Variants in N4BP2 observed in about 807,000 individuals in gnomAD.
N4BP2 encodes NEDD4-binding protein 2.
N4BP2 carries 91 observed loss-of-function variants against 152.8 expected under a neutral mutation model. That is an observed-to-expected ratio of 0.60 (90% CI 0.50 to 0.71). The LOEUF is 0.71. Ranked by LOEUF, N4BP2 falls within the 30% of genes least tolerant of loss-of-function variation. N4BP2 has a pLI of 0.00. For missense variants in N4BP2, 1,923 were observed against 2,059.1 expected (o/e 0.93, Z 1.28); for synonymous variants, 646 against 705.3 (o/e 0.92, Z 1.33).
downstream of N4BP2, among the ~76,000 whole-genome samples, chr4:40,162,420 C>T (rs1030162105): frequency 6.6e-6 from 1 of 152,052 alleles, no homozygotes; most frequent in Non-Finnish European, 1.5e-5. Flanking sequence ...GATAGTGCCA[C>T]TGCACTCCAG....
chr4:40,099,409 A>AT lies in N4BP2; in HGVS notation c.229+1851dup, dbSNP rs879303380. Among the ~76,000 whole-genome samples the AT allele has an allele frequency of 5.9e-3, 865 of 146,574 alleles. 7 individuals are homozygous for AT. The highest frequency in any genetic ancestry group is 0.019 in the African/African-American group (762 of 40,234). On this transcript the variant is annotated intron_variant, in intron 3 of 17. Coordinates refer to ENST00000261435, the MANE Select transcript of N4BP2 (RefSeq NM_018177.6). ...AGGCGTCCGCCACTGTGCCTGGCTA[A>AT]TTTTTTTTTTTGTATTTTTAGTAGA...
intron 17 of N4BP2, 102 bp downstream of exon 17, chr4:40,153,005 C>A: frequency 9.2e-7 from 1 of 1,083,822 alleles, no homozygotes; most frequent in Non-Finnish European, 1.4e-6. Context: ...TAGCAATAGC[C>A]CTAATATAGC....
At chr4:40,119,486 A>G (rs1717654585) in intron 8 of N4BP2, among the ~76,000 whole-genome samples, 1 of 152,200 alleles carries the variant, frequency 6.6e-6, no homozygotes, top group South Asian at 2.1e-4. Context: ...TAATCGGGCA[A>G]ATAGCGTTGG....
At position 40,123,176 on chromosome 4, in the gene N4BP2, G is replaced by A. The variant is rs139977281; in HGVS notation, c.4248G>A (p.Ala1416=). ...DCVVHIDLNL[A]KVIHEKWKES... ...TGGTTCATATAGATCTGAATCTGGC[G>A]AAAGTGATTCATGAGAAATGGAAAG... The change falls in exon 10 of 18, where the codon GCG becomes GCA. Residue 1416 remains alanine (A), a synonymous_variant. Transcript: ENST00000261435. 3.1e-4 allele frequency: 508 copies of A among 1,612,770 alleles called. 1 individual carries two copies. The highest frequency in any genetic ancestry group is 3.3e-4 in the Non-Finnish European group (388 of 1,179,110).
chr4:40,080,707 G>C (rs1474534904), intron 2 of N4BP2, among the ~76,000 whole-genome samples: 1 of 151,744 alleles, frequency 6.6e-6, no homozygotes, highest in Non-Finnish European at 1.5e-5. Context: ...CGCCCGGCTG[G>C]AGTGCAGTGG....
At position 40,131,887 on chromosome 4, in the gene N4BP2, A is replaced by G. The variant is rs542505225; in HGVS notation, c.4614A>G (p.Gln1538=). 1 of 1,613,276 alleles carries G rather than the reference A, an allele frequency of 6.2e-7. No individual in the cohort carries two copies. Among genetic ancestry groups the G allele is most frequent in the South Asian group, 1.1e-5 (1 of 91,034 alleles). ...TTAAGATATTTCCAGCCATTAACCA[A>G]AATTTTCTGGTGGACATTTTCAAGG... The part of the protein sequence containing the change: ...QLFKIFPAIN[Q]NFLVDIFKDH... The change falls in exon 13 of 18, where the codon CAA becomes CAG. Residue 1538 remains glutamine (Q), a synonymous_variant. Coordinates refer to ENST00000261435, the MANE Select transcript of N4BP2 (RefSeq NM_018177.6).
At chr4:40,069,315 T>C (rs1711905206) in intron 1 of N4BP2, among the ~76,000 whole-genome samples, 2 of 151,270 alleles carry the variant, frequency 1.3e-5, no homozygotes, top group Admixed American at 6.6e-5. Context: ...TGTTCTTGCC[T>C]GTAATCCCAG....
chr4:40,188,695 A>T, the N4BP2 span, among the ~76,000 whole-genome samples: 1 of 140,606 alleles, frequency 7.1e-6, no homozygotes, highest in Non-Finnish European at 1.5e-5. Flanking sequence ...CAATGAGCTG[A>T]GATGGCGCCA....
chr4:40,141,382 G>A (rs1719938252), intron 14 of N4BP2, among the ~76,000 whole-genome samples: 1 of 151,726 alleles, frequency 6.6e-6, no homozygotes, highest in Non-Finnish European at 1.5e-5. Flanking sequence ...GGGCAGCCGG[G>A]CAGAGACGCT....
At chr4:40,128,705 T>A (rs2110010417) in intron 12 of N4BP2, among the ~76,000 whole-genome samples, 1 of 152,068 alleles carries the variant, frequency 6.6e-6, no homozygotes, top group Admixed American at 6.5e-5. Flanking sequence ...TTTTTGTAAT[T>A]TTAGTAGAGA....
At chr4:40,160,007 A>G (rs933390363), downstream of N4BP2, among the ~76,000 whole-genome samples, 2 of 151,774 alleles carry the variant, frequency 1.3e-5, no homozygotes, top group Non-Finnish European at 2.9e-5. Context: ...TTTAGTAGAG[A>G]TGGGGTTTCA....
At chr4:40,075,093 G>A (rs1578959532) in intron 2 of N4BP2, among the ~76,000 whole-genome samples, 1 of 152,020 alleles carries the variant, frequency 6.6e-6, no homozygotes, top group Non-Finnish European at 1.5e-5. Context: ...AAATATTTGT[G>A]CACCTGTTTT....
rs1715802905 is a variant in N4BP2 at position 40,102,691 on chromosome 4, T to C, written c.846T>C (p.Ala282=). 1 of 1,614,066 alleles carries C rather than the reference T, an allele frequency of 6.2e-7. No individual in the cohort carries two copies. Among genetic ancestry groups the C allele is most frequent in the Non-Finnish European group, 8.5e-7 (1 of 1,180,048 alleles). The change falls in exon 4 of 18, where the codon GCT becomes GCC. Residue 282 remains alanine, a synonymous_variant. Coordinates refer to ENST00000261435, the MANE Select transcript of N4BP2 (RefSeq NM_018177.6). The part of the protein sequence containing the change: ...SECVEAQFSE[A]PVDLDASEPQ... ...GCGTTGAGGCTCAATTCTCTGAAGCTCCTGTAGATTTGGATGCCAGTGAAC... is the reference window on the plus strand; with the variant it reads ...GCGTTGAGGCTCAATTCTCTGAAGCCCCTGTAGATTTGGATGCCAGTGAAC...
chr4:40,142,506 C>T (rs986732322), intron 14 of N4BP2, 167 bp from the exon 15 acceptor site: 8 of 569,482 alleles, frequency 1.4e-5, no homozygotes, highest in Middle Eastern at 4.7e-4. Context: ...TAATGATAGT[C>T]GATAAATGCC....
intron 2 of N4BP2, among the ~76,000 whole-genome samples, chr4:40,080,542 G>A (rs982541247): frequency 1.3e-5 from 2 of 151,506 alleles, no homozygotes; most frequent in African/African-American, 4.9e-5. Flanking sequence ...TCACCATGTT[G>A]GCCAGGCTGG....
chr4:40,168,043 G>A, the N4BP2 span, among the ~76,000 whole-genome samples: 1 of 151,946 alleles, frequency 6.6e-6, no homozygotes, highest in Non-Finnish European at 1.5e-5. Context: ...TTGATGATGT[G>A]TATTAAAAAA....
chr4:40,080,355 A>ATT (rs1272845175), intron 2 of N4BP2, among the ~76,000 whole-genome samples: 1 of 144,528 alleles, frequency 6.9e-6, no homozygotes, highest in African/African-American at 2.5e-5. Context: ...TATATATATA[A>ATT]TTTTTTTTTT....
chr4:40,095,160 T>C (rs1324493322), intron 2 of N4BP2, among the ~76,000 whole-genome samples: 1 of 152,136 alleles, frequency 6.6e-6, no homozygotes, highest in African/African-American at 2.4e-5. Flanking sequence ...CTTGGCTCAC[T>C]GCAACCTCTG....
At chr4:40,134,046 G>T (rs115184768) in intron 13 of N4BP2, among the ~76,000 whole-genome samples, 1,613 of 152,110 alleles carry the variant, frequency 0.011, 27 homozygotes, top group African/African-American at 0.036. Flanking sequence ...GAGCTCAAGG[G>T]ATTCTTCCCC....
Sources: gnomAD v4.1 joint callset for allele counts (sites outside exome capture counted in the v4.1 genomes callset) on GRCh38, gnomAD v4.1.1 for gene constraint, MANE v1.5 for transcripts, NCBI Gene and HGNC (gene_info 2026-07-23, HGNC 2026-07-21) for gene names.